Variants in NUS1 observed in about 807,000 individuals in gnomAD.
NUS1 encodes NUS1 dehydrodolichyl diphosphate synthase subunit, also known as dehydrodolichyl diphosphate synthase complex subunit NUS1.
For missense variants in NUS1, 292 were observed against 382.9 expected (o/e 0.76, Z 1.98); for synonymous variants, 135 against 155.2 (o/e 0.87, Z 0.97).
intron 3 of NUS1, among the ~76,000 whole-genome samples, chr6:117,696,384 A>G (rs1773320895): frequency 6.6e-6 from 1 of 152,178 alleles, no homozygotes; most frequent in Non-Finnish European, 1.5e-5. Context: ...CCAAACCTAG[A>G]GAAAAATATC....
chr6:117,686,226 C>T (rs1773137928), intron 1 of NUS1, among the ~76,000 whole-genome samples: 1 of 151,912 alleles, frequency 6.6e-6, no homozygotes, highest in Non-Finnish European at 1.5e-5. Context: ...CGCCACTGCA[C>T]TCCAGCCTGG....
chr6:117,675,787 C>A lies in NUS1; in HGVS notation c.117C>A (p.Arg39=), dbSNP rs1333336720. The A allele has an allele frequency of 6.4e-7, 1 of 1,561,320 alleles. No homozygotes were observed. The highest frequency in any genetic ancestry group is 8.6e-7 in the Non-Finnish European group (1 of 1,156,418). The change falls in exon 1 of 5, where the codon CGC becomes CGA. Residue 39 remains arginine, a synonymous_variant. Coordinates refer to ENST00000368494, the MANE Select transcript of NUS1 (RefSeq NM_138459.5). ...RFGTWNWIWR[R]CCRAASAAVL... ...GCACCTGGAACTGGATCTGGCGGCG[C>A]TGCTGCCGCGCCGCCTCTGCCGCGG...
chr6:117,707,313 T>G lies in NUS1; in HGVS notation c.*298T>G, dbSNP rs1773515324. 3.3e-6 allele frequency: 1 copy of G among 303,528 alleles called. No individual in the cohort carries two copies. The highest frequency in any genetic ancestry group is 6.4e-6 in the Non-Finnish European group (1 of 156,120). 18.8% of individuals were successfully genotyped at this position (303,528 alleles called of 1,614,324 possible). On this transcript the variant is annotated 3_prime_UTR_variant, in exon 5 of 5. Transcript: ENST00000368494. ...AGCAGTGATGTTTTAGGAACTGAAA[T>G]GTCACACTTAAAGTCTTCAGCCCAG...
At chr6:117,687,019 T>C (rs1385022674) in intron 1 of NUS1, among the ~76,000 whole-genome samples, 1 of 152,000 alleles carries the variant, frequency 6.6e-6, no homozygotes, top group Non-Finnish European at 1.5e-5. Context: ...CATAGTGTCT[T>C]ATCTACACTC....
At chr6:117,680,148 T>C (rs9767278) in intron 1 of NUS1, among the ~76,000 whole-genome samples, 1 of 152,182 alleles carries the variant, frequency 6.6e-6, no homozygotes, top group South Asian at 2.1e-4. Context: ...ATTTCTTGAT[T>C]ATAATAGAGT....
Position 117,685,141 on chromosome 6 carries a change from CA to C in NUS1, c.416-7897del, listed in dbSNP as rs138093841. Among the ~76,000 whole-genome samples the C allele has an allele frequency of 1.2e-3, 179 of 152,298 alleles. 4 individuals carry two copies. In the East Asian group the frequency reaches 0.032, roughly 27 times the overall value. On this transcript the variant is annotated intron_variant, in intron 1 of 4. Coordinates refer to ENST00000368494, the MANE Select transcript of NUS1 (RefSeq NM_138459.5). ...TAAAATGAAGTCTTCATTTGGCCCC[CA>C]AAATGCATACCTGCTGTTTATTAAG...
rs1474709414 is a variant in NUS1, at chr6:117,676,010, T to A, written c.340T>A (p.Phe114Ile). Reference protein sequence around the residue: ...VITEVEQEPSFSDIASLVVWC... With the variant: ...VITEVEQEPSISDIASLVVWC... ...CACCGAGGTGGAGCAGGAACCCAGC[T>A]TCTCGGACATCGCGAGCCTCGTGGT... The change falls in exon 1 of 5, where the codon TTC becomes ATC. Residue 114 changes from phenylalanine to isoleucine, a missense_variant. Coordinates refer to ENST00000368494, the MANE Select transcript of NUS1 (RefSeq NM_138459.5). 1 of 1,549,734 alleles carries A rather than the reference T, an allele frequency of 6.5e-7. No individual in the cohort carries two copies. Among genetic ancestry groups the A allele is most frequent in the South Asian group, 1.2e-5 (1 of 83,978 alleles).
intron 3 of NUS1, among the ~76,000 whole-genome samples, chr6:117,696,237 G>T (rs62431965): frequency 0.06 from 9,137 of 152,014 alleles, 342 homozygotes; most frequent in African/African-American, 0.086. Context: ...ATACAGAGAG[G>T]AGACAAAAGA....
At chr6:117,676,140 G>A in intron 1 of NUS1, 55 bp downstream of exon 1, 1 of 1,547,726 alleles carries the variant, frequency 6.5e-7, no homozygotes, top group Non-Finnish European at 8.7e-7. Context: ...CCGCTAGACC[G>A]CTGGTCTGGC....
chr6:117,698,979 A>T (rs904007503), intron 3 of NUS1, among the ~76,000 whole-genome samples: 50 of 152,126 alleles, frequency 3.3e-4, no homozygotes, highest in Non-Finnish European at 1.8e-4. Flanking sequence ...AACCCTAAAA[A>T]ATCTGGGTAT....
At chr6:117,698,998 C>T (rs1031111623) in intron 3 of NUS1, among the ~76,000 whole-genome samples, 3 of 152,090 alleles carry the variant, frequency 2.0e-5, no homozygotes, top group African/African-American at 7.2e-5. Context: ...ATAGAAGGAA[C>T]ACGCTACAAC....
chr6:117,695,506 A>C (rs1465136751), intron 3 of NUS1, among the ~76,000 whole-genome samples: 1 of 152,212 alleles, frequency 6.6e-6, no homozygotes, highest in Non-Finnish European at 1.5e-5. Flanking sequence ...GAGTAATTTC[A>C]TAAGGACATT....
chr6:117,698,492 C>A (rs1773352782), intron 3 of NUS1, among the ~76,000 whole-genome samples: 1 of 151,726 alleles, frequency 6.6e-6, no homozygotes, highest in Non-Finnish European at 1.5e-5. Context: ...CCTGAAGAGA[C>A]CAATAATAAG....
intron 4 of NUS1, among the ~76,000 whole-genome samples, chr6:117,706,173 G>A (rs1045158431): frequency 9.2e-5 from 14 of 152,006 alleles, no homozygotes; most frequent in African/African-American, 3.4e-4. Flanking sequence ...TACATAAAAG[G>A]GAACCCTCTG....
chr6:117,677,998 T>G (rs1315474105), intron 1 of NUS1, among the ~76,000 whole-genome samples: 1 of 152,250 alleles, frequency 6.6e-6, no homozygotes, highest in Non-Finnish European at 1.5e-5. Flanking sequence ...ATTGTTTGAC[T>G]TGATGACCGT....
intron 3 of NUS1, among the ~76,000 whole-genome samples, chr6:117,703,294 A>T (rs1341403577): frequency 6.6e-6 from 1 of 152,212 alleles, no homozygotes; most frequent in African/African-American, 2.4e-5. Context: ...GTCTTAAAAG[A>T]TACATGTGAT....
chr6:117,690,561 T>A (rs1773200774), intron 1 of NUS1, among the ~76,000 whole-genome samples: 2 of 152,178 alleles, frequency 1.3e-5, no homozygotes, highest in African/African-American at 4.8e-5. Context: ...TTATATGACC[T>A]CTTTTGAACT....
intron 1 of NUS1, among the ~76,000 whole-genome samples, chr6:117,677,300 T>G (rs11969731): frequency 0.06 from 9,175 of 151,902 alleles, 344 homozygotes; most frequent in African/African-American, 0.086. Context: ...AGGAGAGAAA[T>G]TGTGAATGAA....
chr6:117,703,827 T>G, intron 4 of NUS1, 123 bp downstream of exon 4: 1 of 720,860 alleles, frequency 1.4e-6, no homozygotes, highest in Non-Finnish European at 2.5e-6. Context: ...ACCTCAGTTA[T>G]TTCACAGTAC....
Sources: gnomAD v4.1 joint callset for allele counts (sites outside exome capture counted in the v4.1 genomes callset) on GRCh38, gnomAD v4.1.1 for gene constraint, MANE v1.5 for transcripts, NCBI Gene and HGNC (gene_info 2026-07-23, HGNC 2026-07-21) for gene names.